Variants in USP14 observed in about 807,000 individuals in gnomAD.
The protein encoded by USP14 is ubiquitin specific peptidase 14.
A neutral mutation model predicts 76.5 loss-of-function variants in USP14; 38 were observed. That is an observed-to-expected ratio of 0.50 (90% CI 0.38 to 0.65). The LOEUF (loss-of-function observed/expected upper bound fraction) is 0.65, where lower values mean the gene tolerates loss of function less well. USP14 is among the 30% of genes least tolerant of loss of function. The pLI is 0.00. For missense variants in USP14, 467 were observed against 586.5 expected, an observed-to-expected ratio of 0.80 and a Z score of 2.10; for synonymous variants, 192 against 191.7, an observed-to-expected ratio of 1.00 and a Z score of -0.01.
intron 13 of USP14, among the ~76,000 whole-genome samples, chr18:209,275 C>A (rs1357666302): frequency 6.6e-6 from 1 of 152,082 alleles, no homozygotes; most frequent in African/African-American, 2.4e-5. Context: ...AACCTAGTTG[C>A]CATTTTTTGT....
rs571895400 is a variant in USP14, at chr18:189,898, C to A, written c.405-2944C>A. 1.2e-4 allele frequency among the ~76,000 whole-genome samples: 19 copies of A among 152,326 alleles called. 1 individual carries two copies. The highest frequency in any genetic ancestry group is 4.6e-4 in the African/African-American group (19 of 41,580). On this transcript the variant is annotated intron_variant, in intron 5 of 15. Coordinates refer to ENST00000261601, the MANE Select transcript of USP14 (RefSeq NM_005151.4). Reference sequence around the variant, plus strand: ...TACCCAAAATAAAGGCAGAACCCTTCTAGCACTCTAAAAATCCCCTCACAG... The same window carrying A: ...TACCCAAAATAAAGGCAGAACCCTTATAGCACTCTAAAAATCCCCTCACAG...
At chr18:193,594 C>T (rs1054430102) in intron 6 of USP14, among the ~76,000 whole-genome samples, 1 of 152,152 alleles carries the variant, frequency 6.6e-6, no homozygotes, top group African/African-American at 2.4e-5. Flanking sequence ...GCAGTCACCT[C>T]CTTTCCCATT....
intron 3 of USP14, among the ~76,000 whole-genome samples, chr18:176,083 T>C (rs116019523): frequency 0.016 from 2,434 of 152,232 alleles, 74 homozygotes; most frequent in African/African-American, 0.056. Context: ...TCCTCTCTAG[T>C]ATTGGCAAAT....
chr18:200,633 C>T (rs918649701), intron 10 of USP14, among the ~76,000 whole-genome samples: 1 of 152,216 alleles, frequency 6.6e-6, no homozygotes, highest in East Asian at 1.9e-4. Context: ...ATAAAACATA[C>T]GGTTTTGCTT....
In USP14 at chr18:212,152, A is replaced by C. The variant is rs1233783598; in HGVS notation, c.*868A>C. 1 of 149,856 alleles carries C rather than the reference A, an allele frequency of 6.7e-6. No homozygotes were observed. Among genetic ancestry groups the C allele is most frequent in the African/African-American group, 2.4e-5 (1 of 41,134 alleles). The allele number at this position is 149,856 out of a possible 1,614,324, so 9.3% of individuals were successfully genotyped here. On this transcript the variant is annotated 3_prime_UTR_variant, in exon 16 of 16. Transcript: ENST00000261601. ...GATGGTTATTAACACTGTGCTGTTA[A>C]GCATCCATTTAAAAATATTTGTTAT...
chr18:161,854 A>AT lies in USP14; in HGVS notation c.17-1448dup, dbSNP rs547256591. Reference sequence around the variant, plus strand: ...TAGCTATTTTATGAGGCTGATTGAAATTTTTTATTGTGGTAAAATATATGT... The same window carrying AT: ...TAGCTATTTTATGAGGCTGATTGAAATTTTTTTATTGTGGTAAAATATATGT... On this transcript the variant is annotated intron_variant, in intron 1 of 15. Coordinates refer to ENST00000261601, the MANE Select transcript of USP14 (RefSeq NM_005151.4). Among the ~76,000 whole-genome samples, 402 of 152,286 alleles carry AT rather than the reference A, an allele frequency of 2.6e-3. 1 individual carries two copies. The highest frequency in any genetic ancestry group is 8.9e-3 in the African/African-American group (371 of 41,552).
At chr18:204,155 C>A (rs571822109) in intron 12 of USP14, among the ~76,000 whole-genome samples, 1 of 151,630 alleles carries the variant, frequency 6.6e-6, no homozygotes, top group East Asian at 1.9e-4. Context: ...AGCTATTGAA[C>A]TATATCACTA....
intron 5 of USP14, among the ~76,000 whole-genome samples, chr18:186,471 G>T (rs72856238): frequency 0.011 from 1,660 of 151,064 alleles, 21 homozygotes; most frequent in Non-Finnish European, 0.013. Flanking sequence ...AAAAGAGATG[G>T]GCCAGGAGCA....
At chr18:179,866 G>T (rs1376932569) in intron 4 of USP14, among the ~76,000 whole-genome samples, 5 of 151,106 alleles carry the variant, frequency 3.3e-5, no homozygotes, top group African/African-American at 7.3e-5. Flanking sequence ...CTTCCAAAGT[G>T]CTGGGATTAC....
Position 179,057 on chromosome 18 carries a change from A to G in USP14, c.300+20A>G. 1.3e-6 allele frequency: 2 copies of G among 1,551,330 alleles called. No individual in the cohort carries two copies. The highest frequency in any genetic ancestry group is 1.8e-6 in the Non-Finnish European group (2 of 1,140,162). On this transcript the variant is annotated intron_variant, in intron 4 of 15. Transcript: ENST00000261601. ...TCTGCTGTAAGACACACCAGATTTT[A>G]TGTGTTTGATCACTACTTTTTGAAG...
intron 7 of USP14, 148 bp from the exon 8 acceptor site, chr18:197,468 A>AT: frequency 1.6e-6 from 1 of 608,604 alleles, no homozygotes; most frequent in Non-Finnish European, 2.9e-6. Flanking sequence ...AGAATGCTTT[A>AT]TTTTTTGGAA....
Position 214,307 on chromosome 18 carries a change from A to C in USP14, c.*3023A>C, listed in dbSNP as rs1165269531. On this transcript the variant is annotated 3_prime_UTR_variant, in exon 16 of 16. Coordinates refer to ENST00000261601, the MANE Select transcript of USP14 (RefSeq NM_005151.4). ...AATTTTGTAAAACTACTAACAAACA[A>C]CACACAGGAAACTAATTTGGTATAA... 4 of 220,036 alleles carry C rather than the reference A, an allele frequency of 1.8e-5. No individual in the cohort carries two copies. Among genetic ancestry groups the C allele is most frequent in the South Asian group, 8.5e-5 (1 of 11,766 alleles). The allele number at this position is 220,036 out of a possible 1,614,324, so 13.6% of individuals were successfully genotyped here. A position where few individuals can be genotyped will look rare whatever the true frequency, so the allele number is the denominator to read the frequency against.
At position 204,320 on chromosome 18, in the gene USP14, G is replaced by A. The variant is rs117642806; in HGVS notation, c.1036-244G>A. 2.0e-3 allele frequency among the ~76,000 whole-genome samples: 299 copies of A among 152,040 alleles called. 3 individuals carry two copies. Among genetic ancestry groups the A allele is most frequent in the African/African-American group, 6.7e-3 (276 of 41,462 alleles). Reference sequence around the variant, plus strand: ...TGGTACTTCCTCTGTGGTTAGTTTTGTGGGTTAGAGTATTTAATGGAAAAA... The same window carrying A: ...TGGTACTTCCTCTGTGGTTAGTTTTATGGGTTAGAGTATTTAATGGAAAAA... On this transcript the variant is annotated intron_variant, in intron 12 of 15. Transcript: ENST00000261601.
At chr18:195,378 T>A (rs1598275896) in intron 6 of USP14, among the ~76,000 whole-genome samples, 1 of 92,554 alleles carries the variant, frequency 1.1e-5, no homozygotes, top group East Asian at 2.8e-4. Context: ...TGTGCTAAGA[T>A]GCTGTATTTG....
rs1387767990 is a variant in USP14, at chr18:210,390, T to C, written c.1230T>C (p.Ile410=). The part of the protein sequence containing the change: ...KYEPFSFADD[I]GSNNCGYYDL... ...TGGATTTACATCTTTCTTTAGATAT[T>C]GGCTCCAATAATTGTGGATACTATG... Residue 410 remains isoleucine, a synonymous_variant, in exon 15 of 16, where the codon ATT becomes ATC. Transcript: ENST00000261601. The C allele has an allele frequency of 3.5e-5, 56 of 1,597,304 alleles. 1 individual carries two copies. Among genetic ancestry groups the C allele is most frequent in the Non-Finnish European group, 4.7e-5 (55 of 1,172,368 alleles).
intron 9 of USP14, among the ~76,000 whole-genome samples, chr18:198,807 G>T (rs1290661349): frequency 1.3e-5 from 2 of 151,978 alleles, no homozygotes; most frequent in Non-Finnish European, 2.9e-5. Flanking sequence ...TTATAAAAGG[G>T]TGTGTATCAA....
chr18:186,283 C>G (rs895678990), intron 5 of USP14, among the ~76,000 whole-genome samples: 12 of 151,972 alleles, frequency 7.9e-5, no homozygotes, highest in African/African-American at 2.7e-4. Flanking sequence ...ATAGTGAGAC[C>G]CGCATCTCTG....
At chr18:169,052 G>A (rs1349965314) in intron 3 of USP14, among the ~76,000 whole-genome samples, 3 of 151,422 alleles carry the variant, frequency 2.0e-5, no homozygotes, top group Non-Finnish European at 4.4e-5. Flanking sequence ...ACTCTAGCCT[G>A]GGCAACAGAG....
chr18:184,584 C>A (rs1324901419), intron 5 of USP14, among the ~76,000 whole-genome samples: 1 of 152,062 alleles, frequency 6.6e-6, no homozygotes, highest in East Asian at 1.9e-4. Flanking sequence ...CAAAACCCCA[C>A]CTCTACAAAA....
Sources: gnomAD v4.1 joint callset for allele counts (sites outside exome capture counted in the v4.1 genomes callset) on GRCh38, gnomAD v4.1.1 for gene constraint, MANE v1.5 for transcripts, NCBI Gene and HGNC (gene_info 2026-07-23, HGNC 2026-07-21) for gene names.